Variants in CHSY3 observed in about 807,000 individuals in gnomAD.
The protein encoded by CHSY3 is chondroitin sulfate synthase 3.
In CHSY3, 35 loss-of-function variants were observed where a neutral mutation model predicts 67.2. That is an observed-to-expected ratio of 0.52 (90% confidence interval 0.40 to 0.69). CHSY3 has a LOEUF of 0.69. CHSY3 is among the 30% of genes least tolerant of loss of function. The pLI, the probability that CHSY3 is intolerant of heterozygous loss-of-function variation, is 0.00. For missense variants in CHSY3, 1,069 were observed against 1,138.5 expected, an observed-to-expected ratio of 0.94 and a Z score of 0.88; for synonymous variants, 474 against 434.7, an observed-to-expected ratio of 1.09 and a Z score of -1.12.
intron 2 of CHSY3, among the ~76,000 whole-genome samples, chr5:130,149,321 C>A (rs1385693996): frequency 2.0e-5 from 3 of 152,142 alleles, no homozygotes; most frequent in African/African-American, 7.2e-5. Context: ...GTTCTGCAGG[C>A]TTCACAGGAA....
chr5:130,025,912 C>T (rs1033958618), intron 2 of CHSY3, among the ~76,000 whole-genome samples: 2 of 152,100 alleles, frequency 1.3e-5, no homozygotes, highest in African/African-American at 4.8e-5. Flanking sequence ...GTGCGTAATT[C>T]GTTTTGACCA....
At chr5:129,994,067 C>T (rs937723044) in intron 2 of CHSY3, among the ~76,000 whole-genome samples, 1 of 152,208 alleles carries the variant, frequency 6.6e-6, no homozygotes, top group Non-Finnish European at 1.5e-5. Context: ...TATAGAGTTT[C>T]TGCCGAGAGA....
intron 2 of CHSY3, among the ~76,000 whole-genome samples, chr5:129,933,726 C>T (rs1761398772): frequency 6.6e-6 from 1 of 152,124 alleles, no homozygotes; most frequent in South Asian, 2.1e-4. Flanking sequence ...TATAACCCTA[C>T]ACTCATTTAA....
chr5:130,070,974 A>G lies in CHSY3; in HGVS notation c.1087-113255A>G, dbSNP rs975908108. On this transcript the variant is annotated intron_variant, in intron 2 of 2. Coordinates refer to ENST00000305031, the MANE Select transcript of CHSY3 (RefSeq NM_175856.5). ...GTTTGTAGCTTTCATAGATAAAACT[A>G]TATAGGTTCCTGTGTTCATTTATCT... Among the ~76,000 whole-genome samples, 14 of 152,084 alleles carry G rather than the reference A, an allele frequency of 9.2e-5. 1 individual carries two copies. Among genetic ancestry groups the G allele is most frequent in the Admixed American group, 8.5e-4 (13 of 15,246 alleles).
intron 2 of CHSY3, among the ~76,000 whole-genome samples, chr5:129,945,116 T>C (rs1486445426): frequency 6.6e-6 from 1 of 152,248 alleles, no homozygotes; most frequent in Non-Finnish European, 1.5e-5. Context: ...CATTTGTGCT[T>C]TAGTAAAAAC....
chr5:130,185,472 A>T lies in CHSY3; in HGVS notation c.2330A>T (p.Asp777Val). The change falls in exon 3 of 3, where the codon GAC becomes GTC. Residue 777 changes from aspartate to valine, a missense_variant. Physicochemically the swap from Asp to Val is radical, Grantham distance 152 (BLOSUM62 -3). This residue lies in a region of CHSY3 where 139 missense variants were observed against 152.8 expected (regional missense o/e 0.91). Transcript: ENST00000305031. ...IFSKKTGFWR[D>V]YGYGITCIYK... is the part of the protein sequence containing the mutation. Reference sequence around the variant, plus strand: ...TCAAAAAAGACTGGATTTTGGAGAGACTATGGATATGGCATCACCTGTATT... The same window carrying T: ...TCAAAAAAGACTGGATTTTGGAGAGTCTATGGATATGGCATCACCTGTATT... 6.2e-7 allele frequency: 1 copy of T among 1,614,144 alleles called. No homozygotes were observed. The highest frequency in any genetic ancestry group is 8.5e-7 in the Non-Finnish European group (1 of 1,179,990).
intron 2 of CHSY3, among the ~76,000 whole-genome samples, chr5:130,062,467 A>G (rs916970931): frequency 3.3e-5 from 5 of 152,080 alleles, no homozygotes; most frequent in African/African-American, 1.2e-4. Flanking sequence ...TATTTGGGTA[A>G]TGGGTACTCT....
intron 2 of CHSY3, among the ~76,000 whole-genome samples, chr5:129,986,174 A>G (rs1287674610): frequency 2.0e-5 from 3 of 151,648 alleles, no homozygotes; most frequent in Admixed American, 2.0e-4. Context: ...GTCATAGATC[A>G]CTCTTATCAT....
intron 2 of CHSY3, among the ~76,000 whole-genome samples, chr5:129,941,600 G>A (rs77066064): frequency 1.3e-5 from 2 of 152,132 alleles, no homozygotes; most frequent in Admixed American, 1.3e-4. Flanking sequence ...TCTAACAAGT[G>A]AAGATTACCA....
intron 2 of CHSY3, among the ~76,000 whole-genome samples, chr5:130,180,154 A>G (rs1203866238): frequency 6.6e-6 from 1 of 152,152 alleles, no homozygotes; most frequent in Non-Finnish European, 1.5e-5. Flanking sequence ...CCCTTTGGGC[A>G]CTGACACTGA....
chr5:129,950,901 A>T (rs1762004640), intron 2 of CHSY3, among the ~76,000 whole-genome samples: 1 of 152,204 alleles, frequency 6.6e-6, no homozygotes, highest in Admixed American at 6.5e-5. Flanking sequence ...AGAAAAAGTA[A>T]TCCTAAAATT....
At chr5:130,165,664 A>G in intron 2 of CHSY3, among the ~76,000 whole-genome samples, 1 of 151,846 alleles carries the variant, frequency 6.6e-6, no homozygotes, top group Non-Finnish European at 1.5e-5. Flanking sequence ...GATCTTTTAT[A>G]TATTTGAGAT....
At chr5:129,951,468 T>A (rs1762020658) in intron 2 of CHSY3, among the ~76,000 whole-genome samples, 1 of 152,260 alleles carries the variant, frequency 6.6e-6, no homozygotes, top group African/African-American at 2.4e-5. Context: ...TGACATTTTC[T>A]ATTTGAAATT....
chr5:130,022,617 A>T (rs1442517048), intron 2 of CHSY3, among the ~76,000 whole-genome samples: 1 of 151,918 alleles, frequency 6.6e-6, no homozygotes, highest in Non-Finnish European at 1.5e-5. Flanking sequence ...TTAAAAATAC[A>T]TTTTTGACCA....
At chr5:130,128,469 T>C (rs762870445) in intron 2 of CHSY3, among the ~76,000 whole-genome samples, 8 of 151,926 alleles carry the variant, frequency 5.3e-5, no homozygotes, top group Non-Finnish European at 8.8e-5. Flanking sequence ...GAATCTAAGT[T>C]AAATAATATA....
At chr5:130,052,187 T>A (rs1412364513) in intron 2 of CHSY3, 1 of 152,186 alleles carries the variant, frequency 6.6e-6, no homozygotes, top group Non-Finnish European at 1.5e-5. Flanking sequence ...GGACTCCCTG[T>A]CACCTAATCT....
intron 2 of CHSY3, among the ~76,000 whole-genome samples, chr5:130,022,668 G>A (rs1245552839): frequency 6.6e-6 from 1 of 151,812 alleles, no homozygotes; most frequent in Admixed American, 6.6e-5. Context: ...AATATCATCA[G>A]ATCATTTAAT....
chr5:130,019,164 T>C (rs1028496459), intron 2 of CHSY3, among the ~76,000 whole-genome samples: 25 of 152,124 alleles, frequency 1.6e-4, no homozygotes, highest in Non-Finnish European at 3.2e-4. Flanking sequence ...TTTTCTAAAA[T>C]GCATTGTATT....
intron 1 of CHSY3, chr5:129,905,850 C>A: frequency 1.0e-6 from 1 of 983,248 alleles, no homozygotes; most frequent in Non-Finnish European, 1.4e-6. Context: ...ACCTGCCTGG[C>A]TTTATTCGCC....
Sources: allele counts gnomAD v4.1 joint callset (sites outside exome capture counted in the v4.1 genomes callset), GRCh38; gene constraint gnomAD v4.1.1; regional missense constraint gnomAD v4.1.1; transcripts MANE v1.5; gene names NCBI Gene and HGNC (gene_info 2026-07-23, HGNC 2026-07-21).